The following RPH3AL variants were observed in gnomAD, a reference collection of about 807,000 sequenced individuals.
The protein encoded by RPH3AL is rabphilin 3A like (without C2 domains).
RPH3AL carries 38 observed loss-of-function variants against 43.1 expected under a neutral mutation model. The ratio of observed to expected loss-of-function variants is 0.88; its 90% CI spans 0.68 to 1.15. RPH3AL has a LOEUF of 1.15. RPH3AL is among the 50% of genes most tolerant of loss of function. The probability of loss-of-function intolerance (pLI) is 0.00; values close to 1 mark genes in which losing one functional copy is unlikely to be tolerated. For missense variants in RPH3AL, 462 were observed against 423.2 expected (o/e 1.09, Z -0.81); for synonymous variants, 189 against 176.3 (o/e 1.07, Z -0.57).
intron 1 of RPH3AL, among the ~76,000 whole-genome samples, chr17:342,100 C>A (rs1157958586): frequency 6.6e-6 from 1 of 152,082 alleles, no homozygotes; most frequent in African/African-American, 2.4e-5. Flanking sequence ...CCAAAAATCA[C>A]ATGAAAAAAG....
intron 6 of RPH3AL, among the ~76,000 whole-genome samples, chr17:272,425 A>G (rs1244465684): frequency 6.6e-6 from 1 of 152,020 alleles, no homozygotes; most frequent in Non-Finnish European, 1.5e-5. Context: ...CTATGCAGCC[A>G]TAAAAAAGGA....
intron 6 of RPH3AL, among the ~76,000 whole-genome samples, chr17:276,361 C>T (rs1284517019): frequency 6.6e-6 from 1 of 152,066 alleles, no homozygotes; most frequent in African/African-American, 2.4e-5. Context: ...GGTTTCTATT[C>T]CTTCTCTTAG....
intron 1 of RPH3AL, among the ~76,000 whole-genome samples, chr17:337,031 C>A (rs1485224146): frequency 6.6e-6 from 1 of 152,238 alleles, no homozygotes; most frequent in Non-Finnish European, 1.5e-5. Flanking sequence ...GATGCCCAGA[C>A]ATGGTGGGTC....
At chr17:291,247 G>C (rs1385489955) in intron 5 of RPH3AL, among the ~76,000 whole-genome samples, 2 of 152,240 alleles carry the variant, frequency 1.3e-5, no homozygotes, top group East Asian at 3.9e-4. Flanking sequence ...TTATCCATTA[G>C]CAAAACTCAG....
At chr17:301,292 T>C (rs963374552) in intron 5 of RPH3AL, among the ~76,000 whole-genome samples, 2 of 152,230 alleles carry the variant, frequency 1.3e-5, no homozygotes, top group African/African-American at 2.4e-5. Flanking sequence ...AAAAGGTACA[T>C]AGGCAAAGTT....
In RPH3AL at chr17:245,662, G is replaced by A. The variant is rs992791291; in HGVS notation, c.613+1449C>T. Among the ~76,000 whole-genome samples the A allele has an allele frequency of 3.3e-5, 5 of 152,178 alleles. No homozygotes were observed. Among genetic ancestry groups the A allele is most frequent in the South Asian group, 2.1e-4 (1 of 4,806 alleles). ...TGTCTGAGGGACATGGACAGATCTCGAGGGCTCAGCAGGAGAAGGTCTGAG... is the reference window on the plus strand; with the variant it reads ...TGTCTGAGGGACATGGACAGATCTCAAGGGCTCAGCAGGAGAAGGTCTGAG... On this transcript the variant is annotated intron_variant, in intron 7 of 9. Coordinates refer to ENST00000331302, the MANE Select transcript of RPH3AL (RefSeq NM_006987.4). The surrounding 1 kb of genome is among the most constrained non-coding windows in gnomAD (Gnocchi z 5.9).
rs1305685638 is a variant in RPH3AL, at chr17:289,129, C to G, written c.352-7275G>C. Among the ~76,000 whole-genome samples the G allele has an allele frequency of 2.0e-5, 3 of 152,180 alleles. No homozygotes were observed. The highest frequency in any genetic ancestry group is 4.4e-5 in the Non-Finnish European group (3 of 68,038). On this transcript the variant is annotated intron_variant, in intron 5 of 9. Coordinates refer to ENST00000331302, the MANE Select transcript of RPH3AL (RefSeq NM_006987.4). This position sits in a 1 kb window ranked among gnomAD's most constrained non-coding sequence, Gnocchi z 5.2. ...AGGTGAACTTGGACTCGGTACTCGC[C>G]TTCTGAGCCTCACTTCCTCATCTGT...
At chr17:336,302 ACT>A (rs2044951888) in intron 1 of RPH3AL, among the ~76,000 whole-genome samples, 1 of 152,112 alleles carries the variant, frequency 6.6e-6, no homozygotes, top group South Asian at 2.1e-4. Flanking sequence ...AGGATTAAAG[ACT>A]CAGAGAGGGA....
At chr17:310,800 C>T (rs2043626175) in intron 5 of RPH3AL, among the ~76,000 whole-genome samples, 1 of 152,174 alleles carries the variant, frequency 6.6e-6, no homozygotes, top group African/African-American at 2.4e-5. Context: ...GGGATGGCAT[C>T]GTCTCTCCTC....
At position 213,078 on chromosome 17, in the gene RPH3AL, A is replaced by C. The variant is rs1236306049; in HGVS notation, c.*774T>G. 2 of 152,160 alleles carry C rather than the reference A, an allele frequency of 1.3e-5. No individual in the cohort carries two copies. The highest frequency in any genetic ancestry group is 4.8e-5 in the African/African-American group (2 of 41,352). 9.4% of individuals were successfully genotyped at this position (152,160 alleles called of 1,614,324 possible). A position where few individuals can be genotyped will look rare whatever the true frequency, so the allele number is the denominator to read the frequency against. ...AGACCAGCCTGGCCAACATGGAGAA[A>C]CCCCATCTCTTCTAAAAATACAAAA... On this transcript the variant is annotated 3_prime_UTR_variant, in exon 10 of 10. Coordinates refer to ENST00000331302, the MANE Select transcript of RPH3AL (RefSeq NM_006987.4).
At chr17:331,132 G>T (rs11871632) in intron 2 of RPH3AL, 46,565 of 151,750 alleles carry the variant, frequency 0.31, 8,200 homozygotes, top group Non-Finnish European at 0.42. Flanking sequence ...CTGCTCCCAC[G>T]TGGGAGGTGG....
intron 6 of RPH3AL, among the ~76,000 whole-genome samples, chr17:253,486 T>A (rs1403242868): frequency 6.6e-6 from 1 of 152,162 alleles, no homozygotes. Context: ...GGCCTCCGGG[T>A]ATGCGCAATC....
At chr17:232,056 T>A (rs2041242365) in intron 7 of RPH3AL, among the ~76,000 whole-genome samples, 1 of 152,208 alleles carries the variant, frequency 6.6e-6, no homozygotes, top group African/African-American at 2.4e-5. Flanking sequence ...GTGTCTGGCT[T>A]AACCAAGAGC....
rs560540564 is a variant in RPH3AL at position 347,183 on chromosome 17, G to A, written c.-213+5529C>T. 1.5e-3 allele frequency among the ~76,000 whole-genome samples: 133 copies of A among 89,288 alleles called. 29 individuals carry two copies. Among genetic ancestry groups the A allele is most frequent in the Non-Finnish European group, 2.1e-3 (74 of 34,984 alleles). The allele number at this position is 89,288 out of a possible 152,430, so 58.6% of individuals were successfully genotyped here. A position where few individuals can be genotyped will look rare whatever the true frequency, so the allele number is the denominator to read the frequency against. On this transcript the variant is annotated intron_variant, in intron 1 of 9. Coordinates refer to ENST00000331302, the MANE Select transcript of RPH3AL (RefSeq NM_006987.4). ...TGAGGCAGGAGAATGGCGTGAACCC[G>A]GGAGGCAGAGGTTGCAGTGAGCCAG...
In RPH3AL at chr17:274,624, T is replaced by A. The variant is rs2042610295; in HGVS notation, c.438+7144A>T. ...AGGGGCTGCGGTCCCTCGTCCTCCC[T>A]GGTTCCGACGGGCCAGGTCGCAGGA... is the stretch of plus-strand genomic sequence containing the variant. On this transcript the variant is annotated intron_variant, in intron 6 of 9. Transcript: ENST00000331302. This position sits in a 1 kb window ranked among gnomAD's most constrained non-coding sequence, Gnocchi z 4.7. 6.6e-6 allele frequency among the ~76,000 whole-genome samples: 1 copy of A among 152,214 alleles called. No homozygotes were observed. Among genetic ancestry groups the A allele is most frequent in the Non-Finnish European group, 1.5e-5 (1 of 68,038 alleles).
rs74953216 is a variant in RPH3AL, at chr17:290,099, A to G, written c.352-8245T>C. The stretch of plus-strand genomic sequence containing the variant: ...AAATGGAAGCTACTTAAGATATTAC[A>G]GTTGAAAAAGCAAGACAGGCTCCCT... On this transcript the variant is annotated intron_variant, in intron 5 of 9. Coordinates refer to ENST00000331302, the MANE Select transcript of RPH3AL (RefSeq NM_006987.4). The surrounding 1 kb of genome is among the most constrained non-coding windows in gnomAD (Gnocchi z 4.2). Among the ~76,000 whole-genome samples, 1,674 of 152,364 alleles carry G rather than the reference A, an allele frequency of 0.011. 27 individuals carry two copies. The highest frequency in any genetic ancestry group is 0.037 in the African/African-American group (1,532 of 41,584).
intron 1 of RPH3AL, among the ~76,000 whole-genome samples, chr17:336,330 C>T (rs1194356405): frequency 6.6e-6 from 1 of 152,180 alleles, no homozygotes; most frequent in Non-Finnish European, 1.5e-5. Context: ...AAAGGCCTGT[C>T]TAAACGCCCA....
chr17:285,415 A>G (rs752796185), intron 5 of RPH3AL, among the ~76,000 whole-genome samples: 9 of 152,142 alleles, frequency 5.9e-5, no homozygotes, highest in Non-Finnish European at 1.0e-4. Flanking sequence ...TGTTTTGAGG[A>G]TCAACTGAGA....
chr17:261,565 T>C (rs1177059069), intron 6 of RPH3AL: 2 of 152,174 alleles, frequency 1.3e-5, no homozygotes, highest in East Asian at 1.9e-4. Flanking sequence ...TTGACTACCA[T>C]GGAAAAGATA....
Sources: gnomAD v4.1 joint callset for allele counts (sites outside exome capture counted in the v4.1 genomes callset) on GRCh38, gnomAD v4.1.1 for gene constraint, Gnocchi (gnomAD v3.1) non-coding constraint, MANE v1.5 for transcripts, NCBI Gene and HGNC (gene_info 2026-07-23, HGNC 2026-07-21) for gene names.